PHACTR1: variants seen among roughly 807,000 people sequenced by gnomAD.
The protein encoded by PHACTR1 is RPEL repeat containing 1.
A neutral mutation model predicts 69.2 loss-of-function variants in PHACTR1; 16 were observed. The observed-to-expected ratio is 0.23, with a 90% confidence interval of 0.16 to 0.35. PHACTR1 has a LOEUF of 0.35. Among genes scored for constraint, PHACTR1 ranks in the 10% least tolerant of loss-of-function variants. PHACTR1 has a pLI of 1.00. For synonymous variants in PHACTR1, 312 were observed against 284.5 expected (o/e 1.10, Z -0.97); for missense variants, 510 against 734.7 (o/e 0.69, Z 3.54).
At chr6:13,172,417 G>A (rs955209860) in intron 6 of PHACTR1, among the ~76,000 whole-genome samples, 4 of 152,132 alleles carry the variant, frequency 2.6e-5, no homozygotes, top group African/African-American at 9.7e-5. Flanking sequence ...AACCATACCC[G>A]GGAGACAGGC....
At chr6:13,114,027 C>T (rs549500826) in intron 5 of PHACTR1, among the ~76,000 whole-genome samples, 2 of 152,280 alleles carry the variant, frequency 1.3e-5, no homozygotes, top group South Asian at 4.2e-4. Context: ...AAATATTTCA[C>T]TAACAGCCAT....
chr6:12,847,800 C>T (rs930590283), intron 4 of PHACTR1, among the ~76,000 whole-genome samples: 1 of 152,080 alleles, frequency 6.6e-6, no homozygotes, highest in South Asian at 2.1e-4. Flanking sequence ...GCTAATATAT[C>T]TTGAGATGTT....
At chr6:12,795,486 G>T (rs186091024) in intron 4 of PHACTR1, among the ~76,000 whole-genome samples, 1 of 152,286 alleles carries the variant, frequency 6.6e-6, no homozygotes, top group East Asian at 1.9e-4. Flanking sequence ...TCCTGGGGAA[G>T]AACATTTTGA....
At chr6:13,228,137 G>C in intron 9 of PHACTR1, 74 bp downstream of exon 9, 1 of 1,507,242 alleles carries the variant, frequency 6.6e-7, no homozygotes. Flanking sequence ...AGTGGACCCA[G>C]CAGCCCAGCA....
intron 4 of PHACTR1, among the ~76,000 whole-genome samples, chr6:12,887,038 C>T (rs892058697): frequency 1.3e-5 from 2 of 152,020 alleles, no homozygotes; most frequent in Non-Finnish European, 2.9e-5. Flanking sequence ...TTCCCCTTGT[C>T]CTCCACCCCC....
intron 5 of PHACTR1, among the ~76,000 whole-genome samples, chr6:13,061,437 A>T (rs1807664699): frequency 6.6e-6 from 1 of 152,176 alleles, no homozygotes; most frequent in South Asian, 2.1e-4. Flanking sequence ...AGTTCCAAAG[A>T]GGTCAAAGAA....
intron 4 of PHACTR1, among the ~76,000 whole-genome samples, chr6:12,760,086 G>C (rs1767860113): frequency 1.3e-5 from 2 of 152,228 alleles, no homozygotes; most frequent in South Asian, 4.1e-4. Context: ...TTAGCACGAA[G>C]TGGAGAATGA....
chr6:12,827,401 C>A (rs981385573), intron 4 of PHACTR1, among the ~76,000 whole-genome samples: 1 of 152,106 alleles, frequency 6.6e-6, no homozygotes, highest in Admixed American at 6.5e-5. Flanking sequence ...TTTTGTAGAC[C>A]TCTTAGAGCT....
At chr6:12,854,902 G>A (rs1055097363) in intron 4 of PHACTR1, among the ~76,000 whole-genome samples, 15 of 152,184 alleles carry the variant, frequency 9.9e-5, no homozygotes, top group Admixed American at 2.6e-4. Context: ...CTGTTGGCAA[G>A]GTTGTAGAGA....
At chr6:12,914,232 T>C (rs1786721689) in intron 4 of PHACTR1, among the ~76,000 whole-genome samples, 1 of 152,080 alleles carries the variant, frequency 6.6e-6, no homozygotes, top group Admixed American at 6.5e-5. Flanking sequence ...TCTCTTGACC[T>C]TGTGATCTGC....
intron 12 of PHACTR1, chr6:13,281,142 G>A (rs1339068143): frequency 1.3e-5 from 17 of 1,286,158 alleles, no homozygotes; most frequent in Admixed American, 4.6e-5. Flanking sequence ...CTTAGTCTTC[G>A]GTTCACTCCA....
intron 4 of PHACTR1, among the ~76,000 whole-genome samples, chr6:12,916,775 T>C (rs1177847749): frequency 6.6e-6 from 1 of 152,222 alleles, no homozygotes; most frequent in Non-Finnish European, 1.5e-5. Flanking sequence ...TTCCAATATG[T>C]GCACCCTTAA....
rs7771897 is a variant in PHACTR1 at position 12,814,709 on chromosome 6, C to T, written c.250+64919C>T. The stretch of plus-strand genomic sequence containing the variant: ...GTTCTACAAATGGAAGAAAAAAAAA[C>T]AAAAAAAGCTATACTCGATACAGTT... On this transcript the variant is annotated intron_variant, in intron 4 of 14. Transcript: ENST00000332995. Among the ~76,000 whole-genome samples the T allele has an allele frequency of 6.0e-5, 9 of 150,874 alleles. No individual in the cohort carries two copies. The South Asian group carries it at 1.5e-3, about 25-fold the overall frequency.
At chr6:13,228,919 C>G (rs551201991) in intron 9 of PHACTR1, among the ~76,000 whole-genome samples, 2 of 152,354 alleles carry the variant, frequency 1.3e-5, no homozygotes, top group African/African-American at 4.8e-5. Context: ...ACTACTCAAT[C>G]AAGCCCAAAG....
At chr6:12,740,365 C>A (rs1469794427) in intron 3 of PHACTR1, among the ~76,000 whole-genome samples, 7 of 152,102 alleles carry the variant, frequency 4.6e-5, no homozygotes, top group African/African-American at 1.7e-4. Context: ...ATGTTCCCAT[C>A]AGCATTGCAT....
At chr6:12,919,216 C>T (rs1212901493) in intron 4 of PHACTR1, among the ~76,000 whole-genome samples, 3 of 152,124 alleles carry the variant, frequency 2.0e-5, no homozygotes, top group African/African-American at 7.2e-5. Flanking sequence ...AATCTTGGCT[C>T]ACTGCAACCT....
intron 4 of PHACTR1, among the ~76,000 whole-genome samples, chr6:12,794,187 A>G (rs1337095858): frequency 6.6e-6 from 1 of 152,252 alleles, no homozygotes; most frequent in African/African-American, 2.4e-5. Context: ...GTAGGCCCTC[A>G]AATATGAGAC....
intron 4 of PHACTR1, among the ~76,000 whole-genome samples, chr6:13,035,369 T>C (rs576232200): frequency 2.6e-5 from 4 of 152,124 alleles, no homozygotes; most frequent in Non-Finnish European, 4.4e-5. Context: ...CCCCCTCCCA[T>C]TTTTTAGGTA....
At position 13,053,474 on chromosome 6, in the gene PHACTR1, C is replaced by T. The variant is rs745345501; in HGVS notation, c.360C>T (p.Phe120=). The T allele has an allele frequency of 6.6e-5, 107 of 1,613,794 alleles. 1 individual carries two copies. Among genetic ancestry groups the T allele is most frequent in the Non-Finnish European group, 8.9e-5 (105 of 1,179,876 alleles). ...RSKFANLGRI[F]KPWKWRKKKS... ...AGTTTGCCAACCTGGGAAGGATTTT[C>T]AAGCCTTGGAAATGGAGGAAGAAGA... is the stretch of plus-strand genomic sequence containing the variant. Residue 120 remains phenylalanine (F), a synonymous_variant, in exon 5 of 15, where the codon TTC becomes TTT. Transcript: ENST00000332995.
Sources: allele counts gnomAD v4.1 joint callset (sites outside exome capture counted in the v4.1 genomes callset), GRCh38; gene constraint gnomAD v4.1.1; transcripts MANE v1.5; gene names NCBI Gene and HGNC (gene_info 2026-07-23, HGNC 2026-07-21).